Variants in KCNQ5 observed in about 807,000 individuals in gnomAD.
The protein encoded by KCNQ5 is potassium voltage-gated channel subfamily Q member 5, also known as potassium voltage-gated channel subfamily KQT member 5.
In KCNQ5, 30 loss-of-function variants were observed where a neutral mutation model predicts 98.2. That is an observed-to-expected ratio of 0.31 (90% CI 0.23 to 0.41). KCNQ5 has a LOEUF of 0.41. KCNQ5 is among the 10% of genes least tolerant of loss of function. The pLI is 1.00. For synonymous variants in KCNQ5, 458 were observed against 449.4 expected, an observed-to-expected ratio of 1.02 and a Z score of -0.24; for missense variants, 835 against 1,182.5, an observed-to-expected ratio of 0.71 and a Z score of 4.31.
intron 1 of KCNQ5, among the ~76,000 whole-genome samples, chr6:72,679,092 G>A (rs1246543740): frequency 6.6e-6 from 1 of 152,138 alleles, no homozygotes; most frequent in Non-Finnish European, 1.5e-5. Flanking sequence ...AGGTAAACTT[G>A]CAGAGAATGT....
At chr6:72,790,741 A>C (rs1361829402) in intron 1 of KCNQ5, among the ~76,000 whole-genome samples, 1 of 152,216 alleles carries the variant, frequency 6.6e-6, no homozygotes, top group Non-Finnish European at 1.5e-5. Flanking sequence ...TGTAGGAAAA[A>C]CTTGGATAAA....
chr6:72,924,763 T>A (rs1236843071), intron 1 of KCNQ5, among the ~76,000 whole-genome samples: 1 of 152,158 alleles, frequency 6.6e-6, no homozygotes, highest in Non-Finnish European at 1.5e-5. Context: ...CTGAAGGATA[T>A]CTTGGGATAT....
intron 1 of KCNQ5, among the ~76,000 whole-genome samples, chr6:72,682,078 G>A (rs1477517001): frequency 6.6e-6 from 1 of 152,104 alleles, no homozygotes; most frequent in African/African-American, 2.4e-5. Flanking sequence ...AGTTATCTCT[G>A]TCCAAAGCCA....
At position 72,928,203 on chromosome 6, in the gene KCNQ5, T is replaced by C. The variant is rs759566945; in HGVS notation, c.399-75705T>C. On this transcript the variant is annotated intron_variant, in intron 1 of 13. Coordinates refer to ENST00000370398, the MANE Select transcript of KCNQ5 (RefSeq NM_019842.4). Reference sequence around the variant, plus strand: ...AAACAGATCTGAACTTCTTGCTTTCTGTTACTCTTAATTTAACTGGCTAAA... The same window carrying C: ...AAACAGATCTGAACTTCTTGCTTTCCGTTACTCTTAATTTAACTGGCTAAA... Among the ~76,000 whole-genome samples, 5 of 152,240 alleles carry C rather than the reference T, an allele frequency of 3.3e-5. No individual in the cohort carries two copies. The East Asian group carries it at 9.6e-4, about 29-fold the overall frequency.
chr6:72,906,290 G>A (rs1383089810), intron 1 of KCNQ5, among the ~76,000 whole-genome samples: 1 of 152,138 alleles, frequency 6.6e-6, no homozygotes, highest in Non-Finnish European at 1.5e-5. Flanking sequence ...CAGCGGGCAA[G>A]CAGGGCTGAG....
At chr6:72,768,959 T>A (rs1772715995) in intron 1 of KCNQ5, among the ~76,000 whole-genome samples, 2 of 152,090 alleles carry the variant, frequency 1.3e-5, no homozygotes, top group South Asian at 2.1e-4. Flanking sequence ...ATTCTTGCAG[T>A]GGAGGAGAGG....
At chr6:73,026,355 G>A (rs540726795) in intron 2 of KCNQ5, among the ~76,000 whole-genome samples, 1 of 152,096 alleles carries the variant, frequency 6.6e-6, no homozygotes, top group East Asian at 1.9e-4. Context: ...AGCCAGCCCG[G>A]TCTCCTTGTT....
At chr6:72,702,944 C>A (rs1475101334) in intron 1 of KCNQ5, among the ~76,000 whole-genome samples, 17 of 151,734 alleles carry the variant, frequency 1.1e-4, no homozygotes. Context: ...CCATCACTGA[C>A]CTGCCTCAAT....
rs188963569 is a variant in KCNQ5, at chr6:72,888,758, G to A, written c.399-115150G>A. Among the ~76,000 whole-genome samples the A allele has an allele frequency of 1.7e-3, 254 of 152,268 alleles. 1 individual carries two copies. Among genetic ancestry groups the A allele is most frequent in the Non-Finnish European group, 2.7e-3 (181 of 68,008 alleles). On this transcript the variant is annotated intron_variant, in intron 1 of 13. Transcript: ENST00000370398. ...AATACCCATCACTTGGCCAAATATA[G>A]GGGTGTCTTACTTTTCTGCCATGTT...
intron 1 of KCNQ5, among the ~76,000 whole-genome samples, chr6:72,855,877 T>TA (rs1233380404): frequency 5.3e-5 from 8 of 152,334 alleles, no homozygotes; most frequent in Admixed American, 2.0e-4. Context: ...TTTGTCAGTA[T>TA]ATCTGAATTT....
intron 1 of KCNQ5, among the ~76,000 whole-genome samples, chr6:72,849,684 A>G (rs1490001519): frequency 6.6e-6 from 1 of 152,210 alleles, no homozygotes; most frequent in African/African-American, 2.4e-5. Context: ...TAAACAATGT[A>G]TCAATGTTTC....
At chr6:73,049,214 A>G (rs1406749778) in intron 3 of KCNQ5, among the ~76,000 whole-genome samples, 14 of 152,246 alleles carry the variant, frequency 9.2e-5, no homozygotes, top group Non-Finnish European at 1.5e-4. Flanking sequence ...TGATTGCAGT[A>G]TTTAAGAACG....
intron 1 of KCNQ5, among the ~76,000 whole-genome samples, chr6:72,838,922 C>G (rs1210843021): frequency 2.3e-5 from 3 of 131,452 alleles, no homozygotes; most frequent in Non-Finnish European, 4.7e-5. Context: ...TGCACTCCAG[C>G]CTGGGCGACA....
intron 1 of KCNQ5, among the ~76,000 whole-genome samples, chr6:72,966,966 A>G (rs73531793): frequency 0.052 from 7,991 of 152,280 alleles, 713 homozygotes; most frequent in African/African-American, 0.18. Context: ...TTTAAAATAT[A>G]TCTTACAGAA....
In KCNQ5 at chr6:73,120,542, A is replaced by G; in HGVS notation, c.1185A>G (p.Pro395=). The G allele has an allele frequency of 6.2e-7, 1 of 1,611,970 alleles. No individual in the cohort carries two copies. Among genetic ancestry groups the G allele is most frequent in the South Asian group, 1.1e-5 (1 of 90,720 alleles). The part of the protein sequence containing the change: ...EKSVSIATWK[P]HLKALHTCSP... ...CTGTTTCCATTGCAACCTGGAAGCC[A>G]CACTTGAAGGCCTTGCACACCTGCA... is the stretch of plus-strand genomic sequence containing the variant. Residue 395 remains proline, a synonymous_variant, in exon 8 of 14, where the codon CCA becomes CCG. Coordinates refer to ENST00000370398, the MANE Select transcript of KCNQ5 (RefSeq NM_019842.4).
intron 1 of KCNQ5, among the ~76,000 whole-genome samples, chr6:72,837,993 T>C (rs941845786): frequency 6.6e-6 from 1 of 152,034 alleles, no homozygotes; most frequent in African/African-American, 2.4e-5. Flanking sequence ...AGGGTACATG[T>C]GCACAACGTG....
At chr6:72,668,996 A>G (rs1444990596) in intron 1 of KCNQ5, among the ~76,000 whole-genome samples, 2 of 152,098 alleles carry the variant, frequency 1.3e-5, no homozygotes, top group Admixed American at 1.3e-4. Flanking sequence ...GGAGGGACAC[A>G]CACATTTAGT....
chr6:72,844,260 A>G (rs752878420), intron 1 of KCNQ5, among the ~76,000 whole-genome samples: 1 of 152,224 alleles, frequency 6.6e-6, no homozygotes, highest in Non-Finnish European at 1.5e-5. Context: ...CTCTCTCTGG[A>G]AAGATTCAAG....
At chr6:72,998,775 C>T (rs1769428113) in intron 1 of KCNQ5, among the ~76,000 whole-genome samples, 1 of 151,794 alleles carries the variant, frequency 6.6e-6, no homozygotes, top group African/African-American at 2.4e-5. Context: ...TCCCTCAAAA[C>T]TTTCTTAATG....
Sources: gnomAD v4.1 joint callset for allele counts (sites outside exome capture counted in the v4.1 genomes callset) on GRCh38, gnomAD v4.1.1 for gene constraint, MANE v1.5 for transcripts, NCBI Gene and HGNC (gene_info 2026-07-23, HGNC 2026-07-21) for gene names.